Variants in SEMA5B observed in about 807,000 individuals in gnomAD.
SEMA5B encodes the protein semaphorin 5B, also known as semaphorin-5B.
Under a neutral mutation model 135.0 loss-of-function variants are expected in SEMA5B, and 66 were observed. The ratio of observed to expected loss-of-function variants is 0.49; its 90% CI spans 0.40 to 0.60. The LOEUF (loss-of-function observed/expected upper bound fraction) is 0.60, where lower values mean the gene tolerates loss of function less well. Among genes scored for constraint, SEMA5B ranks in the 20% least tolerant of loss-of-function variants. The pLI is 0.00. For synonymous variants in SEMA5B, 690 were observed against 639.5 expected (o/e 1.08, Z -1.19); for missense variants, 1,501 against 1,566.3 (o/e 0.96, Z 0.70).
chr3:122,941,781 A>C (rs779665061), intron 4 of SEMA5B, among the ~76,000 whole-genome samples: 14 of 152,260 alleles, frequency 9.2e-5, no homozygotes, highest in Non-Finnish European at 1.6e-4. Context: ...GGATCACATC[A>C]AGGCCAGTTT....
At chr3:122,967,320 C>T (rs1051177629) in intron 1 of SEMA5B, among the ~76,000 whole-genome samples, 6 of 152,166 alleles carry the variant, frequency 3.9e-5, no homozygotes, top group Non-Finnish European at 5.9e-5. Flanking sequence ...TCCTAACTAC[C>T]CCCACACGAC....
intron 1 of SEMA5B, among the ~76,000 whole-genome samples, chr3:122,968,553 C>A (rs1472722621): frequency 1.3e-5 from 2 of 152,116 alleles, no homozygotes; most frequent in Non-Finnish European, 2.9e-5. Context: ...TATCCTACTC[C>A]AACGCCCGCC....
intron 5 of SEMA5B, among the ~76,000 whole-genome samples, chr3:122,933,153 GC>G (rs2107670456): frequency 6.6e-6 from 1 of 151,990 alleles, no homozygotes; most frequent in South Asian, 2.1e-4. Context: ...TTGACTGTTA[GC>G]CTGGGGCTTA....
At chr3:122,933,912 AT>A (rs1376290005) in intron 5 of SEMA5B, among the ~76,000 whole-genome samples, 5 of 150,408 alleles carry the variant, frequency 3.3e-5, no homozygotes, top group South Asian at 2.1e-4. Context: ...CATTAATTGA[AT>A]TTTTTTTTCT....
At chr3:122,996,343 T>A (rs1234410787) in intron 1 of SEMA5B, among the ~76,000 whole-genome samples, 1 of 152,228 alleles carries the variant, frequency 6.6e-6, no homozygotes, top group Non-Finnish European at 1.5e-5. Context: ...GTCCCTGCCT[T>A]TGGCACCACG....
Position 122,961,170 on chromosome 3 carries a change from C to A in SEMA5B, c.94G>T (p.Val32Leu). 1 of 1,613,506 alleles carries A rather than the reference C, an allele frequency of 6.2e-7. No individual in the cohort carries two copies. The highest frequency in any genetic ancestry group is 8.5e-7 in the Non-Finnish European group (1 of 1,179,600). Residue 32 changes from valine to leucine, a missense_variant, in exon 2 of 23, where the codon GTA (valine) becomes TTA (leucine). This residue lies in a region of SEMA5B where 574 missense variants were observed against 684.7 expected (regional missense o/e 0.84). Coordinates refer to ENST00000357599, the MANE Select transcript of SEMA5B (RefSeq NM_001031702.4). ...ACCAGTGAGAGAAGCCAGCCCCCTA[C>A]TGTCCATCCACACCTTAGCTGTTGG... The part of the protein sequence containing the change: ...PAQQLRCGWT[V>L]GGWLLSLVRG...
chr3:122,987,129 G>A (rs1454882141), intron 1 of SEMA5B, among the ~76,000 whole-genome samples: 1 of 152,186 alleles, frequency 6.6e-6, no homozygotes, highest in Non-Finnish European at 1.5e-5. Context: ...AGCCAGATGG[G>A]CTGGGGTTTG....
At chr3:122,921,718 C>A (rs1198324791) in intron 12 of SEMA5B, among the ~76,000 whole-genome samples, 197 bp downstream of exon 12, 1 of 152,246 alleles carries the variant, frequency 6.6e-6, no homozygotes, top group Non-Finnish European at 1.5e-5. Context: ...TGGAGATTAT[C>A]TCAATTAACC....
In SEMA5B at chr3:122,985,339, A is replaced by T. The variant is rs533689265; in HGVS notation, c.-38-24038T>A. The stretch of plus-strand genomic sequence containing the variant: ...AAGACCCTGTCTCTAAATTAAAAAA[A>T]TTTTTTTTAAGAAATTAGCCCAGCA... On this transcript the variant is annotated intron_variant, in intron 1 of 22. Transcript: ENST00000357599. 1.4e-4 allele frequency among the ~76,000 whole-genome samples: 22 copies of T among 152,114 alleles called. No homozygotes were observed. The Middle Eastern group carries it at 0.017, about 118-fold the overall frequency.
intron 12 of SEMA5B, among the ~76,000 whole-genome samples, chr3:122,921,069 C>T (rs1938325783): frequency 2.0e-5 from 3 of 152,182 alleles, no homozygotes; most frequent in African/African-American, 7.2e-5. Context: ...TCCGAGCACA[C>T]CCCACTGGAG....
At chr3:122,929,769 G>A (rs536061142) in intron 5 of SEMA5B, among the ~76,000 whole-genome samples, 17 of 152,260 alleles carry the variant, frequency 1.1e-4, no homozygotes, top group South Asian at 2.1e-4. Flanking sequence ...ATGCTCTGCC[G>A]TGGGGTAATG....
At chr3:122,928,432 T>C (rs1938761256) in intron 7 of SEMA5B, 85 bp downstream of exon 7, 6 of 1,058,512 alleles carry the variant, frequency 5.7e-6, no homozygotes, top group Non-Finnish European at 8.1e-6. Context: ...CAAAATTTGG[T>C]AACCCCCCTT....
intron 2 of SEMA5B, among the ~76,000 whole-genome samples, chr3:122,950,483 C>A (rs1170335235): frequency 6.6e-6 from 1 of 152,226 alleles, no homozygotes; most frequent in Non-Finnish European, 1.5e-5. Flanking sequence ...AATTCACACA[C>A]TGGAACAACT....
chr3:122,997,518 T>TCTCCCCCCCCC (rs764169923), intron 1 of SEMA5B, among the ~76,000 whole-genome samples: 2 of 142,880 alleles, frequency 1.4e-5, no homozygotes, highest in Admixed American at 6.9e-5. Context: ...CCCAGGCCTC[T>TCTCCCCCCCCC]CCCCCCCCCG....
chr3:122,948,779 G>T, intron 2 of SEMA5B, 70 bp from the exon 3 acceptor site: 3 of 1,229,702 alleles, frequency 2.4e-6, no homozygotes, highest in Non-Finnish European at 1.1e-6. Flanking sequence ...ATTTCCTTGT[G>T]GTTACAGTGC....
intron 12 of SEMA5B, among the ~76,000 whole-genome samples, chr3:122,919,253 A>C (rs1418833994): frequency 6.6e-6 from 1 of 152,082 alleles, no homozygotes; most frequent in African/African-American, 2.4e-5. Context: ...GAGATCTGTG[A>C]ATGAGTTGGG....
intron 1 of SEMA5B, among the ~76,000 whole-genome samples, chr3:122,989,630 G>A (rs1576394409): frequency 2.0e-5 from 3 of 152,202 alleles, no homozygotes. Context: ...TAGACACAGG[G>A]TAGATGCGAC....
intron 12 of SEMA5B, among the ~76,000 whole-genome samples, chr3:122,920,638 G>A (rs751591510): frequency 3.3e-5 from 5 of 152,274 alleles, no homozygotes; most frequent in South Asian, 2.1e-4. Flanking sequence ...ATGTCTCCCC[G>A]TTTTCCAGAT....
chr3:122,957,447 C>G (rs1297201812), intron 2 of SEMA5B, among the ~76,000 whole-genome samples: 1 of 152,222 alleles, frequency 6.6e-6, no homozygotes, highest in Non-Finnish European at 1.5e-5. Context: ...TGCACCCAGG[C>G]AGGAGCAGCA....
Sources: allele counts gnomAD v4.1 joint callset (sites outside exome capture counted in the v4.1 genomes callset), GRCh38; gene constraint gnomAD v4.1.1; regional missense constraint gnomAD v4.1.1; transcripts MANE v1.5; gene names NCBI Gene and HGNC (gene_info 2026-07-23, HGNC 2026-07-21).